The following MEI4 variants were observed in gnomAD, a reference collection of about 807,000 sequenced individuals.
MEI4 encodes the protein meiotic double-stranded break formation protein 4.
In MEI4, 27 loss-of-function variants were observed where a neutral mutation model predicts 31.4. That is an observed-to-expected ratio of 0.86 (90% CI 0.63 to 1.19). The LOEUF (loss-of-function observed/expected upper bound fraction) is 1.19. MEI4 is among the 50% of genes most tolerant of loss of function. MEI4 has a pLI of 0.00. For missense variants in MEI4, 329 were observed against 398.9 expected (o/e 0.82, Z 1.49); for synonymous variants, 122 against 145.4 (o/e 0.84, Z 1.16).
chr6:77,805,379 T>C (rs146806538), intron 3 of MEI4, among the ~76,000 whole-genome samples: 5 of 152,250 alleles, frequency 3.3e-5, no homozygotes, highest in Admixed American at 3.3e-4. Flanking sequence ...TTGATAATAC[T>C]GTGTTCATTT....
chr6:77,666,181 G>T (rs1768628481), intron 1 of MEI4, among the ~76,000 whole-genome samples: 1 of 152,120 alleles, frequency 6.6e-6, no homozygotes, highest in Admixed American at 6.5e-5. Flanking sequence ...TTTGCGGGCA[G>T]GGGGTGGGTC....
chr6:77,701,231 A>G (rs1766215254), intron 2 of MEI4, among the ~76,000 whole-genome samples: 1 of 152,172 alleles, frequency 6.6e-6, no homozygotes, highest in African/African-American at 2.4e-5. Context: ...AATGTTGGCA[A>G]GGATTTAGTC....
chr6:77,917,865 T>A (rs1425305649), intron 4 of MEI4, among the ~76,000 whole-genome samples: 2 of 147,984 alleles, frequency 1.4e-5, no homozygotes, highest in African/African-American at 2.5e-5. Flanking sequence ...TGAATGGTAA[T>A]GCCTAGGTTT....
At chr6:77,698,998 C>T (rs1276596480) in intron 2 of MEI4, among the ~76,000 whole-genome samples, 2 of 151,874 alleles carry the variant, frequency 1.3e-5, no homozygotes, top group East Asian at 1.9e-4. Context: ...AACTTCCCTT[C>T]TCGCTTCATT....
chr6:77,835,383 C>T (rs1159219234), intron 4 of MEI4, among the ~76,000 whole-genome samples: 1 of 130,862 alleles, frequency 7.6e-6, no homozygotes, highest in Non-Finnish European at 1.7e-5. Context: ...AACACACACA[C>T]ACACACACAC....
intron 2 of MEI4, among the ~76,000 whole-genome samples, chr6:77,751,869 A>G (rs1188353655): frequency 1.3e-5 from 2 of 152,188 alleles, no homozygotes; most frequent in Non-Finnish European, 2.9e-5. Context: ...AATCCTCAAT[A>G]AAATACTGGC....
intron 4 of MEI4, among the ~76,000 whole-genome samples, chr6:77,864,494 A>G (rs1225724718): frequency 1.3e-5 from 2 of 152,232 alleles, no homozygotes; most frequent in African/African-American, 4.8e-5. Context: ...AGGCCATTAC[A>G]TAATGGTAAA....
intron 4 of MEI4, among the ~76,000 whole-genome samples, chr6:77,903,152 CTTTT>C (rs1324286989): frequency 6.6e-6 from 1 of 151,438 alleles, no homozygotes; most frequent in Non-Finnish European, 1.5e-5. Context: ...TTTTTTCTTT[CTTTT>C]TTTTCTTTTT....
intron 2 of MEI4, among the ~76,000 whole-genome samples, chr6:77,732,417 T>C (rs980020036): frequency 5.9e-5 from 9 of 152,094 alleles, no homozygotes; most frequent in East Asian, 1.9e-4. Flanking sequence ...ACTCATGATT[T>C]GGCTCTATGT....
chr6:77,765,800 A>G (rs1377664722), intron 3 of MEI4, among the ~76,000 whole-genome samples: 1 of 149,514 alleles, frequency 6.7e-6, no homozygotes, highest in East Asian at 1.9e-4. Flanking sequence ...ATGTCCAACA[A>G]TGATAGACTG....
intron 4 of MEI4, among the ~76,000 whole-genome samples, chr6:77,910,925 G>GTTTTTTTTTTTTTTTTTT (rs58959367): frequency 8.3e-6 from 1 of 120,580 alleles, no homozygotes; most frequent in Non-Finnish European, 1.7e-5. Flanking sequence ...CCAGCTTCTG[G>GTTTTTTTTTTTTTTTTTT]TTTTTTTTTT....
rs1048470003 is a variant in MEI4, at chr6:77,793,740, G to A, written c.768+32075G>A. On this transcript the variant is annotated intron_variant, in intron 3 of 4. Transcript: ENST00000684080. ...GCTTCAACTAGAATGTTACAAATAA[G>A]GTGCTTTATGCAAGCTTGTGACATC... 7.2e-5 allele frequency among the ~76,000 whole-genome samples: 11 copies of A among 152,172 alleles called. No homozygotes were observed. In the East Asian group the frequency reaches 1.9e-3, roughly 27 times the overall value.
At chr6:77,909,772 C>T (rs1766388655) in intron 4 of MEI4, among the ~76,000 whole-genome samples, 1 of 152,150 alleles carries the variant, frequency 6.6e-6, no homozygotes, top group Non-Finnish European at 1.5e-5. Context: ...GAATTTTAGA[C>T]CAATATCCCT....
At chr6:77,873,051 G>A (rs2127725946) in intron 4 of MEI4, among the ~76,000 whole-genome samples, 1 of 152,044 alleles carries the variant, frequency 6.6e-6, no homozygotes, top group Middle Eastern at 3.4e-3. Flanking sequence ...ACGTGTGCAT[G>A]TGTCTTTATA....
intron 1 of MEI4, among the ~76,000 whole-genome samples, chr6:77,667,356 C>T (rs1023729218): frequency 6.6e-6 from 1 of 152,096 alleles, no homozygotes; most frequent in Non-Finnish European, 1.5e-5. Flanking sequence ...TTTTCCATTG[C>T]CCATATGATC....
At chr6:77,664,686 A>G (rs2926073) in intron 1 of MEI4, among the ~76,000 whole-genome samples, 67,543 of 151,778 alleles carry the variant, frequency 0.45, 16,005 homozygotes, top group African/African-American at 0.59. Context: ...GGGGACAGGC[A>G]GGAGGGAAAG....
intron 3 of MEI4, among the ~76,000 whole-genome samples, chr6:77,763,704 G>A (rs1768097393): frequency 6.6e-6 from 1 of 152,128 alleles, no homozygotes. Flanking sequence ...CTCATAAAAT[G>A]TGTTTGGAAG....
chr6:77,768,699 C>CAA (rs11332685), intron 3 of MEI4, among the ~76,000 whole-genome samples: 28 of 116,608 alleles, frequency 2.4e-4, no homozygotes, highest in African/African-American at 6.7e-4. Context: ...GACTCCATCT[C>CAA]AAAAAAAAAA....
At chr6:77,896,917 T>C (rs1267425335) in intron 4 of MEI4, among the ~76,000 whole-genome samples, 2 of 152,040 alleles carry the variant, frequency 1.3e-5, no homozygotes, top group Admixed American at 1.3e-4. Flanking sequence ...TTGAGACTAT[T>C]GTTTCACTTT....
Sources: gnomAD v4.1 joint callset for allele counts (sites outside exome capture counted in the v4.1 genomes callset) on GRCh38, gnomAD v4.1.1 for gene constraint, MANE v1.5 for transcripts, NCBI Gene and HGNC (gene_info 2026-07-23, HGNC 2026-07-21) for gene names.